The following BCAR1 variants were observed in gnomAD, a reference collection of about 807,000 sequenced individuals.
The protein encoded by BCAR1 is BCAR1 scaffold protein, Cas family member.
A neutral mutation model predicts 67.6 loss-of-function variants in BCAR1; 30 were observed. The ratio of observed to expected loss-of-function variants is 0.44; its 90% CI spans 0.33 to 0.60. BCAR1 has a LOEUF of 0.60. Ranked by LOEUF, BCAR1 falls within the 20% of genes least tolerant of loss-of-function variation. The pLI is 0.02. For missense variants in BCAR1, 1,313 were observed against 1,222.3 expected (o/e 1.07, Z -1.11); for synonymous variants, 626 against 556.7 (o/e 1.12, Z -1.75).
rs150132600 is a variant in BCAR1, at chr16:75,235,737, C to A, written c.1162G>T (p.Asp388Tyr). ...GGAAGCACCCGTTCACGGGGCACAT[C>A]GTACAGGGTGCCCGGGCCAGGCCGC... ...LRRPGPGTLY[D>Y]VPRERVLPPE... The change falls in exon 5 of 7, where the codon GAT becomes TAT. Residue 388 changes from aspartate (D) to tyrosine (Y), a missense_variant. Around this residue, in one of 2 missense-constraint regions of BCAR1, gnomAD observed 1,272 missense variants for 1,137.5 expected, o/e 1.12. Transcript: ENST00000162330. 6.2e-7 allele frequency: 1 copy of A among 1,601,024 alleles called. No homozygotes were observed. The highest frequency in any genetic ancestry group is 8.5e-7 in the Non-Finnish European group (1 of 1,173,638).
chr16:75,249,447 C>T (rs2077611505), intron 1 of BCAR1: 1 of 152,242 alleles, frequency 6.6e-6, no homozygotes, highest in Admixed American at 6.5e-5. Flanking sequence ...GGCAGAGCCC[C>T]ACCCTCTTAC....
At chr16:75,238,856 C>T (rs906796944) in intron 2 of BCAR1, 20 of 985,280 alleles carry the variant, frequency 2.0e-5, no homozygotes, top group South Asian at 9.4e-5. Flanking sequence ...CCTCGAGGCA[C>T]GGCCTGAGGC....
At position 75,235,719 on chromosome 16, in the gene BCAR1, C is replaced by T. The variant is rs761944915; in HGVS notation, c.1180G>A (p.Val394Met). The T allele has an allele frequency of 1.2e-6, 2 of 1,608,468 alleles. No homozygotes were observed. Among genetic ancestry groups the T allele is most frequent in the South Asian group, 2.2e-5 (2 of 90,108 alleles). Residue 394 changes from valine to methionine, a missense_variant, in exon 5 of 7, where the codon GTG becomes ATG. Around this residue, in one of 2 missense-constraint regions of BCAR1, gnomAD observed 1,272 missense variants for 1,137.5 expected, o/e 1.12. Coordinates refer to ENST00000162330, the MANE Select transcript of BCAR1 (RefSeq NM_014567.5). ...CCATCAGCCACCTCAGGAGGAAGCA[C>T]CCGTTCACGGGGCACATCGTACAGG... Reference protein sequence around the residue: ...GTLYDVPRERVLPPEVADGGV... With the variant: ...GTLYDVPRERMLPPEVADGGV...
chr16:75,253,733 G>T (rs1344580585), upstream of BCAR1, among the ~76,000 whole-genome samples: 1 of 152,200 alleles, frequency 6.6e-6, no homozygotes, highest in African/African-American at 2.4e-5. Flanking sequence ...TGTTGATGGG[G>T]ATGTAGCTGG....
At chr16:75,256,762 T>C (rs996607585) in intron 1 of BCAR1, among the ~76,000 whole-genome samples, 1 of 151,612 alleles carries the variant, frequency 6.6e-6, no homozygotes, top group Admixed American at 6.6e-5. Flanking sequence ...GTTCAGAGGC[T>C]CTCCGCCCAC....
chr16:75,229,443 T>G lies in BCAR1; in HGVS notation c.*68A>C, dbSNP rs184893847. On this transcript the variant is annotated 3_prime_UTR_variant, in exon 7 of 7. Transcript: ENST00000162330. ...CCCTAAGCCTGTGGCACAGCGACTC[T>G]TGACATGGGAGCCAGGGAGCTGGGA... 2 of 1,452,840 alleles carry G rather than the reference T, an allele frequency of 1.4e-6. No individual in the cohort carries two copies. Among genetic ancestry groups the G allele is most frequent in the Non-Finnish European group, 9.1e-7 (1 of 1,103,916 alleles). 90.0% of individuals were successfully genotyped at this position (1,452,840 alleles called of 1,614,324 possible). A position where few individuals can be genotyped will look rare whatever the true frequency, so the allele number is the denominator to read the frequency against.
intron 1 of BCAR1, chr16:75,263,142 G>C: frequency 2.1e-6 from 2 of 934,512 alleles, no homozygotes; most frequent in South Asian, 9.9e-5. Context: ...CCTCAACGAA[G>C]GGGCACAGGA....
At chr16:75,253,730 G>A (rs952025486), upstream of BCAR1, among the ~76,000 whole-genome samples, 3 of 152,192 alleles carry the variant, frequency 2.0e-5, no homozygotes, top group Non-Finnish European at 4.4e-5. Context: ...CAGTGTTGAT[G>A]GGGATGTAGC....
intron 1 of BCAR1, chr16:75,248,043 G>A (rs749674854): frequency 2.0e-6 from 3 of 1,476,708 alleles, no homozygotes; most frequent in Admixed American, 1.7e-5. Flanking sequence ...AACCCCATAA[G>A]ACACGATTAC....
intron 1 of BCAR1, chr16:75,247,793 C>T: frequency 3.8e-6 from 2 of 520,606 alleles, no homozygotes; most frequent in South Asian, 4.1e-5. Flanking sequence ...ATCTGGCCTG[C>T]ACCCTTTCAC....
Position 75,228,802 on chromosome 16 carries a change from C to G in BCAR1, c.*709G>C, listed in dbSNP as rs2076790495. 1 of 152,316 alleles carries G rather than the reference C, an allele frequency of 6.6e-6. No homozygotes were observed. Among genetic ancestry groups the G allele is most frequent in the Non-Finnish European group, 1.5e-5 (1 of 68,106 alleles). 9.4% of individuals were successfully genotyped at this position (152,316 alleles called of 1,614,324 possible). A position where few individuals can be genotyped will look rare whatever the true frequency, so the allele number is the denominator to read the frequency against. On this transcript the variant is annotated 3_prime_UTR_variant, in exon 7 of 7. Coordinates refer to ENST00000162330, the MANE Select transcript of BCAR1 (RefSeq NM_014567.5). ...GACCCTGCAGCTCTGAAACTGCCCC[C>G]TTTCTTGGGCCCAGGCTCTGCCCTG...
rs2077230467 is a variant in BCAR1 at position 75,238,750 on chromosome 16, G to A, written c.634-1406C>T. ...TCTCCAGACTCATCTCCCTCCACGC[G>A]CCCCAGACTTGAGTCTCCTCCAGAA... On this transcript the variant is annotated intron_variant, in intron 2 of 6. Coordinates refer to ENST00000162330, the MANE Select transcript of BCAR1 (RefSeq NM_014567.5). 14 of 985,374 alleles carry A rather than the reference G, an allele frequency of 1.4e-5. 1 individual carries two copies. In the South Asian group the frequency reaches 5.2e-4, roughly 36 times the overall value. The allele number at this position is 985,374 out of a possible 1,614,324, so 61.0% of individuals were successfully genotyped here.
chr16:75,236,788 CCA>C, intron 4 of BCAR1, 92 bp downstream of exon 4: 1 of 1,477,692 alleles, frequency 6.8e-7, no homozygotes, highest in Non-Finnish European at 9.0e-7. Flanking sequence ...CCCGCCACCC[CCA>C]GCCCTGCAGA....
At chr16:75,243,231 G>C in intron 1 of BCAR1, 141 bp from the exon 2 acceptor site, 1 of 907,540 alleles carries the variant, frequency 1.1e-6, no homozygotes. Flanking sequence ...AGATCATTGT[G>C]CCTTTGCCTC....
intron 6 of BCAR1, among the ~76,000 whole-genome samples, chr16:75,232,613 G>T (rs947524293): frequency 2.6e-5 from 4 of 152,198 alleles, no homozygotes; most frequent in Non-Finnish European, 5.9e-5. Flanking sequence ...TTCTTTAGTA[G>T]ATTTAACAGG....
chr16:75,255,107 T>C (rs1186834208), upstream of BCAR1, among the ~76,000 whole-genome samples: 1 of 152,230 alleles, frequency 6.6e-6, no homozygotes, highest in African/African-American at 2.4e-5. Flanking sequence ...CTCAGTAGAA[T>C]AGCTTGCAGC....
At chr16:75,237,997 C>G in intron 2 of BCAR1, 1 of 1,277,788 alleles carries the variant, frequency 7.8e-7, no homozygotes. Context: ...GGGGAGCTGC[C>G]TGCAGCAGGT....
At chr16:75,230,132 G>C (rs1009266897) in intron 6 of BCAR1, 109 bp from the exon 7 acceptor site, 1 of 1,346,400 alleles carries the variant, frequency 7.4e-7, no homozygotes. Flanking sequence ...CCGCTACTCA[G>C]AGTGCATGGG....
At chr16:75,237,842 C>T (rs2077196083) in intron 2 of BCAR1, among the ~76,000 whole-genome samples, 2 of 152,292 alleles carry the variant, frequency 1.3e-5, no homozygotes, top group Non-Finnish European at 2.9e-5. Flanking sequence ...TGCATCCGGC[C>T]CAGGACCAGA....
Sources: gnomAD v4.1 joint callset for allele counts (sites outside exome capture counted in the v4.1 genomes callset) on GRCh38, gnomAD v4.1.1 for gene constraint, gnomAD v4.1.1 regional missense constraint, MANE v1.5 for transcripts, NCBI Gene and HGNC (gene_info 2026-07-23, HGNC 2026-07-21) for gene names.